The following ATL2 variants were observed in gnomAD, a reference collection of about 807,000 sequenced individuals.
ATL2 encodes atlastin-2.
ATL2 carries 31 observed loss-of-function variants against 73.9 expected under a neutral mutation model. The observed-to-expected ratio is 0.42, with a 90% CI of 0.32 to 0.57. ATL2 has a LOEUF of 0.57. Ranked by LOEUF, ATL2 falls within the 20% of genes least tolerant of loss-of-function variation. ATL2 has a pLI of 0.14. For missense variants in ATL2, 738 were observed against 702.6 expected, an observed-to-expected ratio of 1.05 and a Z score of -0.57; for synonymous variants, 291 against 237.5, an observed-to-expected ratio of 1.23 and a Z score of -2.07.
chr2:38,364,653 C>T (rs1671201933), intron 1 of ATL2, among the ~76,000 whole-genome samples: 1 of 152,178 alleles, frequency 6.6e-6, no homozygotes, highest in South Asian at 2.1e-4. Flanking sequence ...TCTAAGAGCT[C>T]CAAGATTTTG....
At chr2:38,363,379 G>T (rs893001488) in intron 1 of ATL2, among the ~76,000 whole-genome samples, 8 of 145,988 alleles carry the variant, frequency 5.5e-5, no homozygotes, top group Non-Finnish European at 1.2e-4. Context: ...GTGGGGGGGG[G>T]GGTTATTTAT....
At chr2:38,366,706 C>T (rs920522532) in intron 1 of ATL2, among the ~76,000 whole-genome samples, 1 of 152,156 alleles carries the variant, frequency 6.6e-6, no homozygotes, top group African/African-American at 2.4e-5. Context: ...CATAAAGTCT[C>T]TATGATCTAC....
intron 1 of ATL2, among the ~76,000 whole-genome samples, chr2:38,375,021 G>A (rs1290099229): frequency 1.3e-5 from 2 of 152,086 alleles, no homozygotes; most frequent in African/African-American, 4.8e-5. Flanking sequence ...TTACTAAATA[G>A]ATTTAATCAT....
chr2:38,319,250 T>C (rs1668190115), intron 2 of ATL2, among the ~76,000 whole-genome samples: 1 of 152,182 alleles, frequency 6.6e-6, no homozygotes, highest in Admixed American at 6.5e-5. Context: ...CAGCTCACAC[T>C]ACTACTCTCT....
chr2:38,311,126 A>T (rs547263041), intron 7 of ATL2, among the ~76,000 whole-genome samples: 1 of 146,452 alleles, frequency 6.8e-6, no homozygotes, highest in Non-Finnish European at 1.5e-5. Flanking sequence ...CAAAACAAAA[A>T]AAAAAGTATA....
At chr2:38,300,350 T>A in intron 9 of ATL2, 22 bp from the exon 10 acceptor site, 1 of 1,575,764 alleles carries the variant, frequency 6.3e-7, no homozygotes. Context: ...GAAGATTTGT[T>A]AGACTGACGG....
Position 38,377,252 on chromosome 2 carries a change from C to T in ATL2, c.9G>A (p.Glu3=), listed in dbSNP as rs1672042519. 6.3e-7 allele frequency: 1 copy of T among 1,586,452 alleles called. No individual in the cohort carries two copies. Among genetic ancestry groups the T allele is most frequent in the East Asian group, 2.3e-5 (1 of 43,482 alleles). The change falls in exon 1 of 13, where the codon GAG becomes GAA. Residue 3 remains glutamate (E), a synonymous_variant. Transcript: ENST00000378954. ...GCTGCCCTCGCGCTGCCTCGTCCCC[C>T]TCCGCCATCTTGTACCGATTTAAAA... MA[E]GDEAARGQQP... is the part of the protein sequence containing the mutation.
At chr2:38,351,094 A>C (rs1271821834) in intron 1 of ATL2, among the ~76,000 whole-genome samples, 1 of 152,230 alleles carries the variant, frequency 6.6e-6, no homozygotes, top group Admixed American at 6.5e-5. Flanking sequence ...TCCAAACAAA[A>C]ACTTGAAACA....
intron 4 of ATL2, among the ~76,000 whole-genome samples, chr2:38,316,593 A>T (rs1233037706): frequency 6.6e-6 from 1 of 152,118 alleles, no homozygotes; most frequent in Non-Finnish European, 1.5e-5. Context: ...GGAAGAAAAT[A>T]ATCATAATCT....
intron 1 of ATL2, among the ~76,000 whole-genome samples, chr2:38,356,916 C>A (rs554921881): frequency 6.6e-6 from 1 of 152,180 alleles, no homozygotes; most frequent in Non-Finnish European, 1.5e-5. Context: ...TAATTCTACA[C>A]TAAATCAGAT....
chr2:38,304,411 G>C (rs1050389348), intron 9 of ATL2, among the ~76,000 whole-genome samples: 1 of 152,150 alleles, frequency 6.6e-6, no homozygotes, highest in African/African-American at 2.4e-5. Flanking sequence ...TCTTCAATCT[G>C]AAAGAAAAGG....
intron 1 of ATL2, among the ~76,000 whole-genome samples, chr2:38,351,462 T>A (rs964056601): frequency 1.3e-5 from 2 of 151,850 alleles, no homozygotes; most frequent in African/African-American, 4.8e-5. Context: ...AAAACACATT[T>A]ACACTCTAAA....
rs567811118 is a variant in ATL2 at position 38,311,093 on chromosome 2, C to A, written c.805-646G>T. ...AAATTAAGAATTTACCTTTAAAGTA[C>A]TTACAACAGCAACAAAACAGAACAA... On this transcript the variant is annotated intron_variant, in intron 7 of 12. Coordinates refer to ENST00000378954, the MANE Select transcript of ATL2 (RefSeq NM_001135673.4). Among the ~76,000 whole-genome samples, 5 of 151,612 alleles carry A rather than the reference C, an allele frequency of 3.3e-5. No homozygotes were observed. In the South Asian group the frequency reaches 1.0e-3, roughly 32 times the overall value.
chr2:38,372,733 T>C (rs1201017776), intron 1 of ATL2, among the ~76,000 whole-genome samples: 2 of 152,222 alleles, frequency 1.3e-5, no homozygotes, highest in Non-Finnish European at 1.5e-5. Context: ...AATTACTTTT[T>C]AGTTCAAAGT....
rs143111604 is a variant in ATL2, at chr2:38,365,168, TACACACACAC to T, written c.118+11965_118+11974del. Among the ~76,000 whole-genome samples, 438 of 135,368 alleles carry T rather than the reference TACACACACAC, an allele frequency of 3.2e-3. 2 individuals carry two copies. Among genetic ancestry groups the T allele is most frequent in the African/African-American group, 0.011 (419 of 36,662 alleles). The allele number at this position is 135,368 out of a possible 152,430, so 88.8% of individuals were successfully genotyped here. ...ACACACACACACACACACACACAAA[TACACACACAC>T]ACACACACACAAATACACACACACA... On this transcript the variant is annotated intron_variant, in intron 1 of 12. Transcript: ENST00000378954.
At chr2:38,377,345 G>C (rs187326496), upstream of ATL2, 5 of 1,258,494 alleles carry the variant, frequency 4.0e-6, no homozygotes, top group East Asian at 1.1e-4. Context: ...CGGGGTGGCC[G>C]GCGGGTCCTA....
chr2:38,361,160 T>C (rs1268257253), intron 1 of ATL2, among the ~76,000 whole-genome samples: 2 of 151,910 alleles, frequency 1.3e-5, no homozygotes, highest in Non-Finnish European at 2.9e-5. Flanking sequence ...GAGACCATCC[T>C]GGCTAACGTG....
At chr2:38,323,570 T>C (rs778077710) in intron 2 of ATL2, among the ~76,000 whole-genome samples, 7 of 152,012 alleles carry the variant, frequency 4.6e-5, no homozygotes, top group Non-Finnish European at 7.4e-5. Flanking sequence ...CTACATAATA[T>C]AATTATCAGC....
At chr2:38,325,688 ACACAC>A (rs1223319461) in intron 2 of ATL2, among the ~76,000 whole-genome samples, 7 of 71,388 alleles carry the variant, frequency 9.8e-5, no homozygotes, top group East Asian at 4.4e-4. Context: ...ACACACACAC[ACACAC>A]ACCAGTACAC....
Sources: allele counts gnomAD v4.1 joint callset (sites outside exome capture counted in the v4.1 genomes callset), GRCh38; gene constraint gnomAD v4.1.1; transcripts MANE v1.5; gene names NCBI Gene and HGNC (gene_info 2026-07-23, HGNC 2026-07-21).